SORBS2: variants seen among roughly 807,000 people sequenced by gnomAD.
SORBS2 encodes the protein sorbin and SH3 domain containing 2.
In SORBS2, 46 loss-of-function variants were observed where a neutral mutation model predicts 97.7. The observed-to-expected ratio is 0.47, with a 90% CI of 0.37 to 0.60. The LOEUF (loss-of-function observed/expected upper bound fraction) is 0.60, where lower values mean the gene tolerates loss of function less well. Among genes scored for constraint, SORBS2 ranks in the 20% least tolerant of loss-of-function variants. The pLI is 0.00. For missense variants in SORBS2, 1,316 were observed against 1,282.3 expected, an observed-to-expected ratio of 1.03 and a Z score of -0.40; for synonymous variants, 476 against 473.4, an observed-to-expected ratio of 1.01 and a Z score of -0.07.
intron 2 of SORBS2, among the ~76,000 whole-genome samples, chr4:185,739,470 C>A (rs1388388452): frequency 6.6e-6 from 1 of 152,134 alleles, no homozygotes; most frequent in East Asian, 1.9e-4. Context: ...TTAACTAATC[C>A]TTGTAAGTAA....
intron 2 of SORBS2, among the ~76,000 whole-genome samples, chr4:185,718,532 T>A (rs1443572866): frequency 1.3e-5 from 2 of 152,228 alleles, no homozygotes; most frequent in Non-Finnish European, 2.9e-5. Context: ...ATCTGCTGTC[T>A]TGTTGGTTGC....
chr4:185,789,632 T>C (rs1166197129), intron 1 of SORBS2, among the ~76,000 whole-genome samples: 2 of 151,820 alleles, frequency 1.3e-5, no homozygotes, highest in African/African-American at 4.8e-5. Context: ...AATTTCATTC[T>C]ATAGTCTCCT....
intron 4 of SORBS2, among the ~76,000 whole-genome samples, chr4:185,642,790 G>T (rs2097147816): frequency 6.6e-6 from 1 of 152,154 alleles, no homozygotes; most frequent in Non-Finnish European, 1.5e-5. Context: ...CTACCCCCCT[G>T]CCTTCTCTGT....
chr4:185,861,493 G>T (rs1462880917), intron 1 of SORBS2, among the ~76,000 whole-genome samples: 1 of 152,068 alleles, frequency 6.6e-6, no homozygotes, highest in Non-Finnish European at 1.5e-5. Flanking sequence ...TGGAGGAGGA[G>T]AAAGAAGGCA....
exon 15 of SORBS2, chr4:185,587,552 C>T (rs1186707258): frequency 1.5e-6 from 2 of 1,323,160 alleles, no homozygotes; most frequent in African/African-American, 2.9e-5. Context: ...CAACGGGAGG[C>T]CCGCGGGGTG....
intron 2 of SORBS2, among the ~76,000 whole-genome samples, chr4:185,743,007 T>C (rs1433914136): frequency 1.3e-5 from 2 of 152,134 alleles, no homozygotes; most frequent in Non-Finnish European, 2.9e-5. Flanking sequence ...CCTTTGGACG[T>C]GGTGGCGACC....
chr4:185,731,409 G>A (rs977984461), intron 2 of SORBS2, among the ~76,000 whole-genome samples: 1 of 151,474 alleles, frequency 6.6e-6, no homozygotes, highest in Non-Finnish European at 1.5e-5. Context: ...ATTCTCTGAT[G>A]CAATAACCAA....
chr4:185,714,311 A>G (rs1174296700), intron 2 of SORBS2, among the ~76,000 whole-genome samples: 2 of 152,076 alleles, frequency 1.3e-5, no homozygotes, highest in Non-Finnish European at 2.9e-5. Flanking sequence ...ACGTCATCCC[A>G]TTGCTCCCTC....
intron 1 of SORBS2, among the ~76,000 whole-genome samples, chr4:185,854,818 C>T (rs1003294284): frequency 7.0e-6 from 1 of 143,572 alleles, no homozygotes; most frequent in East Asian, 2.1e-4. Flanking sequence ...AGAGAGAGAG[C>T]CTTAGTTAGT....
At chr4:185,949,002 G>A (rs968987219) in intron 1 of SORBS2, among the ~76,000 whole-genome samples, 1 of 151,844 alleles carries the variant, frequency 6.6e-6, no homozygotes, top group Non-Finnish European at 1.5e-5. Context: ...GTTATTAAAA[G>A]GTATAAAGAA....
chr4:185,693,561 A>T (rs1447173256), intron 2 of SORBS2, among the ~76,000 whole-genome samples: 1 of 152,182 alleles, frequency 6.6e-6, no homozygotes, highest in Non-Finnish European at 1.5e-5. Context: ...CCTCCAGAAA[A>T]TGAGGATTAT....
At chr4:185,849,892 A>G (rs2099216824) in intron 1 of SORBS2, among the ~76,000 whole-genome samples, 1 of 152,226 alleles carries the variant, frequency 6.6e-6, no homozygotes, top group Non-Finnish European at 1.5e-5. Flanking sequence ...CAGAAAACAG[A>G]AGATAAGCAT....
At chr4:185,943,153 G>A (rs1052758184) in intron 1 of SORBS2, among the ~76,000 whole-genome samples, 3 of 152,170 alleles carry the variant, frequency 2.0e-5, no homozygotes, top group Admixed American at 6.5e-5. Context: ...CATAGATCAC[G>A]TTCAAACACA....
chr4:185,735,368 A>T (rs1296785459), intron 2 of SORBS2, among the ~76,000 whole-genome samples: 1 of 139,072 alleles, frequency 7.2e-6, no homozygotes, highest in African/African-American at 2.6e-5. Context: ...ATTGAATCAG[A>T]GTAAACTATT....
intron 1 of SORBS2, among the ~76,000 whole-genome samples, chr4:185,776,452 A>G (rs1023409248): frequency 2.6e-5 from 4 of 152,162 alleles, no homozygotes; most frequent in Non-Finnish European, 4.4e-5. Flanking sequence ...CTACCAAGGA[A>G]GCAGTTAAGT....
Position 185,587,975 on chromosome 4 carries a change from G to C in SORBS2, c.2954-287C>G, listed in dbSNP as rs80279724. The C allele has an allele frequency of 1.9e-3, 576 of 310,594 alleles. 10 individuals carry two copies. The East Asian group carries it at 0.038, about 21-fold the overall frequency. The allele number at this position is 310,594 out of a possible 1,614,324, so 19.2% of individuals were successfully genotyped here. On this transcript the variant is annotated intron_variant, in intron 14 of 14. Coordinates refer to ENST00000418609, the Ensembl canonical transcript of SORBS2. ...CTAAAGGGAAAGTCAGCCCTGCTGA[G>C]GAGGGGGGCGGAGGAGCTCAGTCAC...
At chr4:185,792,541 A>G (rs577559646) in intron 1 of SORBS2, among the ~76,000 whole-genome samples, 50 of 151,516 alleles carry the variant, frequency 3.3e-4, no homozygotes, top group Admixed American at 5.3e-4. Flanking sequence ...GAGGGAGGGA[A>G]GGAAGGAAGG....
Position 185,893,136 on chromosome 4 carries a change from A to G in SORBS2, c.-338+63060T>C, listed in dbSNP as rs1482219123. Reference sequence around the variant, plus strand: ...GGAAGAAAGAGATAATCAGGCACAGAGTAGGGGAAGGCACTGGGGTTGCTA... The same window carrying G: ...GGAAGAAAGAGATAATCAGGCACAGGGTAGGGGAAGGCACTGGGGTTGCTA... On this transcript the variant is annotated intron_variant, in intron 1 of 20. Transcript: ENST00000284776. 2.0e-5 allele frequency among the ~76,000 whole-genome samples: 3 copies of G among 152,190 alleles called. 1 individual carries two copies. Among genetic ancestry groups the G allele is most frequent in the Admixed American group, 1.3e-4 (2 of 15,276 alleles).
chr4:185,752,478 G>A (rs866745301), intron 2 of SORBS2, among the ~76,000 whole-genome samples: 21 of 152,200 alleles, frequency 1.4e-4, no homozygotes, highest in East Asian at 1.9e-4. Flanking sequence ...GGGTTTCACC[G>A]TGTTGGCCAG....
Sources: allele counts gnomAD v4.1 joint callset (sites outside exome capture counted in the v4.1 genomes callset), GRCh38; gene constraint gnomAD v4.1.1; transcripts MANE v1.5; gene names NCBI Gene and HGNC (gene_info 2026-07-23, HGNC 2026-07-21).